Variants in ASPSCR1 observed in about 807,000 individuals in gnomAD.
ASPSCR1 encodes ASPSCR1 tether for SLC2A4, UBX domain containing.
ASPSCR1 carries 55 observed loss-of-function variants against 68.9 expected under a neutral mutation model. That is an observed-to-expected ratio of 0.80 (90% CI 0.64 to 1.00). ASPSCR1 has a LOEUF of 1.00. Among genes scored for constraint, ASPSCR1 ranks in the 50% least tolerant of loss-of-function variants. The pLI, the probability that ASPSCR1 is intolerant of heterozygous loss-of-function variation, is 0.00. For synonymous variants in ASPSCR1, 352 were observed against 332.6 expected (o/e 1.06, Z -0.63); for missense variants, 765 against 762.2 (o/e 1.00, Z -0.04).
Position 81,996,493 on chromosome 17 carries a change from G to T in ASPSCR1, c.580G>T (p.Ala194Ser), listed in dbSNP as rs555430595. Residue 194 changes from alanine (A) to serine (S), a missense_variant, in exon 7 of 16, where the codon GCA becomes TCA. By Grantham distance (99) the Ala-to-Ser change is moderately conservative. Coordinates refer to ENST00000306739, the MANE Select transcript of ASPSCR1 (RefSeq NM_024083.4). Reference sequence around the variant, plus strand: ...GGGCTCGTCAGCGTCGGCTGGCCAGGCAGCCGCCAGCGCTCCACTTCCCTT... The same window carrying T: ...GGGCTCGTCAGCGTCGGCTGGCCAGTCAGCCGCCAGCGCTCCACTTCCCTT... ...SLGSSASAGQ[A>S]AASAPLPLES... 8.7e-6 allele frequency: 14 copies of T among 1,611,560 alleles called. 1 individual carries two copies. In the South Asian group the frequency reaches 1.3e-4, roughly 15 times the overall value.
rs1185617623 is a variant in ASPSCR1 at position 81,983,699 on chromosome 17, G to C, written c.273+31G>C. On this transcript the variant is annotated intron_variant, in intron 3 of 15. Transcript: ENST00000306739. This position sits in a 1 kb window ranked among gnomAD's most constrained non-coding sequence, Gnocchi z 4.4. ...TCGTGCTCTGGGGGAGGCTGACTGT[G>C]TGGGGCACAGGATCGTTCAGCTGGC... 2.6e-6 allele frequency: 4 copies of C among 1,555,150 alleles called. No individual in the cohort carries two copies. Among genetic ancestry groups the C allele is most frequent in the Admixed American group, 1.8e-5 (1 of 56,320 alleles).
chr17:82,008,674 C>T lies in ASPSCR1; in HGVS notation c.934-363C>T, dbSNP rs866346153. On this transcript the variant is annotated intron_variant, in intron 7 of 15. Transcript: ENST00000306739. ...GGGGCAGCTGGACTGGGGTTTTTGC[C>T]GACGCTCTAATTTGGCGGCTGTCGC... 6.3e-5 allele frequency: 13 copies of T among 206,010 alleles called. No individual in the cohort carries two copies. In the East Asian group the frequency reaches 8.2e-4, roughly 13 times the overall value. 12.8% of individuals were successfully genotyped at this position (206,010 alleles called of 1,614,324 possible). A position where few individuals can be genotyped will look rare whatever the true frequency, so the allele number is the denominator to read the frequency against.
rs753573141 is a variant in ASPSCR1, at chr17:82,012,235, C to G, written c.1305C>G (p.Ile435Met). 6.2e-7 allele frequency: 1 copy of G among 1,613,580 alleles called. No homozygotes were observed. The highest frequency in any genetic ancestry group is 1.1e-5 in the South Asian group (1 of 91,074). Residue 435 changes from isoleucine (I) to methionine (M), a missense_variant, in exon 12 of 16, where the codon ATC (isoleucine) becomes ATG (methionine). Ile to Met is a conservative substitution (Grantham distance 10, BLOSUM62 1). Coordinates refer to ENST00000306739, the MANE Select transcript of ASPSCR1 (RefSeq NM_024083.4). ...GTAGGTGCCTTCTCTCCTCAGTCAT[C>G]ACCCCTCCAAAAACAGTCCTGGACG... ...GNPELSFYLF[I>M]TPPKTVLDDH...
chr17:82,000,889 A>G (rs992490185), intron 7 of ASPSCR1, among the ~76,000 whole-genome samples: 1 of 152,122 alleles, frequency 6.6e-6, no homozygotes, highest in Non-Finnish European at 1.5e-5. Context: ...CTGGGACGCC[A>G]GTCCCAGCAG....
intron 5 of ASPSCR1, chr17:81,995,359 C>T (rs1567969917): frequency 3.8e-6 from 1 of 260,974 alleles, no homozygotes; most frequent in African/African-American, 2.2e-5. Context: ...TGGAAGCTCC[C>T]TGGCTGGGGC....
chr17:81,989,511 T>G (rs937805089), intron 4 of ASPSCR1, among the ~76,000 whole-genome samples: 1 of 152,160 alleles, frequency 6.6e-6, no homozygotes, highest in Non-Finnish European at 1.5e-5. Context: ...TCTTCTTTCA[T>G]GTGTTTCGGA....
chr17:82,002,758 A>G (rs553711533), intron 7 of ASPSCR1, among the ~76,000 whole-genome samples: 7 of 151,856 alleles, frequency 4.6e-5, no homozygotes, highest in East Asian at 3.9e-4. Context: ...GGGTTTTACC[A>G]TGTTTGTCAG....
chr17:82,006,598 C>A (rs9895794), intron 7 of ASPSCR1: 17,380 of 152,288 alleles, frequency 0.11, 1,859 homozygotes, highest in African/African-American at 0.28. Flanking sequence ...GCCTCACCCC[C>A]GGTTGACGTC....
chr17:81,994,244 G>A (rs2042262873), intron 4 of ASPSCR1, among the ~76,000 whole-genome samples: 1 of 152,250 alleles, frequency 6.6e-6, no homozygotes, highest in Non-Finnish European at 1.5e-5. Flanking sequence ...TGGTGGCAGA[G>A]TCCGACATGG....
chr17:82,000,621 T>C lies in ASPSCR1; in HGVS notation c.933+3775T>C, dbSNP rs553456138. Among the ~76,000 whole-genome samples the C allele has an allele frequency of 5.3e-5, 8 of 152,284 alleles. No homozygotes were observed. The South Asian group carries it at 1.7e-3, about 32-fold the overall frequency. ...AAGTTTCCCATTAATGTTTTGCCTG[T>C]GTGTGGTTTTTGGACTTAAATAAAG... On this transcript the variant is annotated intron_variant, in intron 7 of 15. Transcript: ENST00000306739.
rs558847384 is a variant in ASPSCR1, at chr17:81,979,767, C to G, written c.158+528C>G. On this transcript the variant is annotated intron_variant, in intron 2 of 15. Transcript: ENST00000306739. ...GAGCTGGCCGTGGAGAAATAGGATG[C>G]CTTGAAAACTGCAGGTGGATCCCTG... is the stretch of plus-strand genomic sequence containing the variant. Among the ~76,000 whole-genome samples the G allele has an allele frequency of 8.3e-4, 126 of 152,154 alleles. 1 individual carries two copies. The highest frequency in any genetic ancestry group is 3.1e-3 in the Admixed American group (47 of 15,290).
At chr17:81,982,014 G>C (rs2143992993) in intron 2 of ASPSCR1, among the ~76,000 whole-genome samples, 1 of 151,986 alleles carries the variant, frequency 6.6e-6, no homozygotes, top group Admixed American at 6.6e-5. Flanking sequence ...TGTCGCCCAG[G>C]CTGGAGTGCA....
At chr17:82,017,164 G>C in intron 15 of ASPSCR1, 51 bp downstream of exon 15, 1 of 1,566,092 alleles carries the variant, frequency 6.4e-7, no homozygotes, top group Non-Finnish European at 8.6e-7. Context: ...GGAGGGCGGG[G>C]GTCCGGGTGC....
At chr17:81,996,233 G>C (rs888122610) in intron 6 of ASPSCR1, among the ~76,000 whole-genome samples, 168 bp downstream of exon 6, 10 of 152,120 alleles carry the variant, frequency 6.6e-5, no homozygotes, top group African/African-American at 2.4e-4. Context: ...GGGCTGGGCT[G>C]CCCCGACCTC....
intron 2 of ASPSCR1, among the ~76,000 whole-genome samples, chr17:81,980,441 G>A (rs1394376457): frequency 6.6e-6 from 1 of 152,208 alleles, no homozygotes; most frequent in East Asian, 1.9e-4. Context: ...CTTGTGTCTG[G>A]ACCACGTGAG....
intron 5 of ASPSCR1, chr17:81,995,603 A>G (rs915347771): frequency 3.0e-5 from 12 of 405,514 alleles, no homozygotes; most frequent in Non-Finnish European, 5.0e-5. Context: ...GCCCACCCCG[A>G]GCTGAGCACC....
chr17:81,983,473 T>TGGGACGGGGATGGC lies in ASPSCR1; in HGVS notation c.159-77_159-64dup. The TGGGACGGGGATGGC allele has an allele frequency of 9.8e-7, 1 of 1,022,068 alleles. No individual in the cohort carries two copies. Among genetic ancestry groups the TGGGACGGGGATGGC allele is most frequent in the South Asian group, 1.8e-5 (1 of 55,540 alleles). 63.3% of individuals were successfully genotyped at this position (1,022,068 alleles called of 1,614,324 possible). A position where few individuals can be genotyped will look rare whatever the true frequency, so the allele number is the denominator to read the frequency against. On this transcript the variant is annotated intron_variant, in intron 2 of 15. Transcript: ENST00000306739. This position sits in a 1 kb window ranked among gnomAD's most constrained non-coding sequence, Gnocchi z 4.4. ...GGCGTGGATGGCGGGGCGTGGATGG[T>TGGGACGGGGATGGC]GGGACGGGGATGGCGGGGCGTGGAT...
rs116106717 is a variant in ASPSCR1, at chr17:82,014,713, G to A, written c.1354-1763G>A. On this transcript the variant is annotated intron_variant, in intron 12 of 15. Transcript: ENST00000306739. ...AGGGGGCGGCCAGGCGCTGGGCCAC[G>A]TGTGCATGCAGCCCCTACAGAGTTG... is the stretch of plus-strand genomic sequence containing the variant. 4.6e-3 allele frequency: 1,408 copies of A among 304,036 alleles called. 19 individuals are homozygous for A. The highest frequency in any genetic ancestry group is 0.028 in the African/African-American group (1,321 of 46,638). 18.8% of individuals were successfully genotyped at this position (304,036 alleles called of 1,614,324 possible).
At chr17:81,985,788 CG>C (rs932734557) in intron 4 of ASPSCR1, among the ~76,000 whole-genome samples, 181 bp downstream of exon 4, 8 of 152,248 alleles carry the variant, frequency 5.3e-5, no homozygotes, top group African/African-American at 1.9e-4. Flanking sequence ...GCAGCAGCCT[CG>C]GGGATGGCTG....
Sources: allele counts gnomAD v4.1 joint callset (sites outside exome capture counted in the v4.1 genomes callset), GRCh38; gene constraint gnomAD v4.1.1; non-coding constraint Gnocchi (gnomAD v3.1); transcripts MANE v1.5; gene names NCBI Gene and HGNC (gene_info 2026-07-23, HGNC 2026-07-21).